ALDH1A1: variants seen among roughly 807,000 people sequenced by gnomAD.
ALDH1A1 encodes aldehyde dehydrogenase 1A1.
Under a neutral mutation model 62.1 loss-of-function variants are expected in ALDH1A1, and 19 were observed. The observed-to-expected ratio is 0.31, with a 90% CI of 0.21 to 0.45. The LOEUF is 0.45. ALDH1A1 is among the 20% of genes least tolerant of loss of function. ALDH1A1 has a pLI of 1.00. For missense variants in ALDH1A1, 521 were observed against 607.1 expected (o/e 0.86, Z 1.49); for synonymous variants, 231 against 215.9 (o/e 1.07, Z -0.61).
chr9:72,927,795 C>T (rs570321340), intron 4 of ALDH1A1, among the ~76,000 whole-genome samples: 2 of 152,062 alleles, frequency 1.3e-5, no homozygotes, highest in Admixed American at 1.3e-4. Context: ...ATTTGCCTAC[C>T]AAACAATAAT....
At chr9:72,921,234 T>G (rs1242410667) in intron 7 of ALDH1A1, among the ~76,000 whole-genome samples, 2 of 128,956 alleles carry the variant, frequency 1.6e-5, no homozygotes, top group Non-Finnish European at 3.1e-5. Flanking sequence ...AGTGCACGAC[T>G]CCTCTCAAAA....
chr9:72,940,012 G>A (rs1830397222), intron 2 of ALDH1A1, 136 bp downstream of exon 2: 3 of 520,606 alleles, frequency 5.8e-6, no homozygotes, highest in South Asian at 2.9e-5. Flanking sequence ...GGACAACTTA[G>A]ACAATTTTCC....
At chr9:72,923,514 A>T (rs1830167145) in intron 7 of ALDH1A1, among the ~76,000 whole-genome samples, 1 of 151,846 alleles carries the variant, frequency 6.6e-6, no homozygotes, top group Admixed American at 6.6e-5. Flanking sequence ...TTTTTCTTTA[A>T]CCTTTAGGAT....
At chr9:72,928,826 T>C in intron 4 of ALDH1A1, 66 bp downstream of exon 4, 1 of 1,422,704 alleles carries the variant, frequency 7.0e-7, no homozygotes, top group South Asian at 1.8e-5. Flanking sequence ...AGTTTGAAAT[T>C]ATTCAGCTCT....
At chr9:72,940,379 C>G in intron 1 of ALDH1A1, 127 bp from the exon 2 acceptor site, 1 of 679,030 alleles carries the variant, frequency 1.5e-6, no homozygotes, top group Non-Finnish European at 2.6e-6. Context: ...CCTCTCAAAA[C>G]TTTCTGGCTG....
chr9:72,913,549 C>G (rs1405190434), intron 9 of ALDH1A1, among the ~76,000 whole-genome samples: 2 of 152,156 alleles, frequency 1.3e-5, no homozygotes, highest in Non-Finnish European at 2.9e-5. Flanking sequence ...ACTATGCCCT[C>G]AACATCATGA....
intron 2 of ALDH1A1, among the ~76,000 whole-genome samples, chr9:72,938,199 G>A (rs938855523): frequency 1.3e-5 from 2 of 152,018 alleles, no homozygotes; most frequent in Non-Finnish European, 2.9e-5. Context: ...TATTATCCTT[G>A]GGTGTTGCTG....
rs879761628 is a variant in ALDH1A1 at position 72,938,749 on chromosome 9, A to AT, written c.171+1398dup. 9.3e-3 allele frequency among the ~76,000 whole-genome samples: 1,285 copies of AT among 138,834 alleles called. 11 individuals carry two copies. The highest frequency in any genetic ancestry group is 0.029 in the African/African-American group (1,082 of 37,670). The allele number at this position is 138,834 out of a possible 152,430, so 91.1% of individuals were successfully genotyped here. On this transcript the variant is annotated intron_variant, in intron 2 of 12. Coordinates refer to ENST00000297785, the MANE Select transcript of ALDH1A1 (RefSeq NM_000689.5). ...CTTTCATAATAAGAAAGACTATTTA[A>AT]TTTTTTTTTTTTAATGGAGCTTCAC... is the stretch of plus-strand genomic sequence containing the variant.
intron 1 of ALDH1A1, among the ~76,000 whole-genome samples, chr9:72,946,262 T>C (rs202200751): frequency 6.6e-6 from 1 of 152,018 alleles, no homozygotes; most frequent in African/African-American, 2.4e-5. Flanking sequence ...AATTCAGTAG[T>C]TATTTGTATT....
Position 72,902,951 on chromosome 9 carries a change from C to A in ALDH1A1, c.1434-1671G>T, listed in dbSNP as rs116808117. Among the ~76,000 whole-genome samples, 757 of 151,582 alleles carry A rather than the reference C, an allele frequency of 5.0e-3. 5 individuals are homozygous for A. The highest frequency in any genetic ancestry group is 0.018 in the African/African-American group (729 of 41,344). Reference sequence around the variant, plus strand: ...AGTGATATCAACCTATGCTTCTTGTCCAGGGTCCACACTGTAAAAAAAAAA... The same window carrying A: ...AGTGATATCAACCTATGCTTCTTGTACAGGGTCCACACTGTAAAAAAAAAA... On this transcript the variant is annotated intron_variant, in intron 12 of 12. Coordinates refer to ENST00000297785, the MANE Select transcript of ALDH1A1 (RefSeq NM_000689.5).
rs1215648505 is a variant in ALDH1A1, at chr9:72,924,066, A to G, written c.700T>C (p.Ser234Pro). The change falls in exon 7 of 13, where the codon TCT (serine) becomes CCT (proline). Residue 234 changes from serine (S) to proline (P), a missense_variant. Coordinates refer to ENST00000297785, the MANE Select transcript of ALDH1A1 (RefSeq NM_000689.5). ...GYGPTAGAAI[S>P]SHMDIDKVAF... Reference sequence around the variant, plus strand: ...ACTTTGTCTATATCCATGTGAGAAGAAATGGCTGCCCCTGCTGTAGGCCCA... The same window carrying G: ...ACTTTGTCTATATCCATGTGAGAAGGAATGGCTGCCCCTGCTGTAGGCCCA... 1 of 1,613,366 alleles carries G rather than the reference A, an allele frequency of 6.2e-7. No individual in the cohort carries two copies. The highest frequency in any genetic ancestry group is 8.5e-7 in the Non-Finnish European group (1 of 1,179,568).
chr9:72,938,995 G>T (rs546822553), intron 2 of ALDH1A1, among the ~76,000 whole-genome samples: 1 of 151,324 alleles, frequency 6.6e-6, no homozygotes, highest in Non-Finnish European at 1.5e-5. Context: ...TGCCCGCCTC[G>T]GCCTCCCAAA....
chr9:72,945,906 A>G (rs73647854), intron 1 of ALDH1A1, among the ~76,000 whole-genome samples: 2,535 of 152,142 alleles, frequency 0.017, 73 homozygotes, highest in African/African-American at 0.055. Context: ...AAAAAATAGG[A>G]GAAATAAAAT....
intron 12 of ALDH1A1, among the ~76,000 whole-genome samples, chr9:72,902,888 C>T (rs1829824292): frequency 6.6e-6 from 1 of 151,708 alleles, no homozygotes; most frequent in African/African-American, 2.4e-5. Flanking sequence ...TAGCAGGTCT[C>T]GAGTGAAGCC....
chr9:72,910,552 G>T (rs754964349), intron 10 of ALDH1A1, among the ~76,000 whole-genome samples: 19 of 152,128 alleles, frequency 1.2e-4, no homozygotes, highest in Non-Finnish European at 2.2e-4. Context: ...CCTGGTTACT[G>T]CAGCCCAAAC....
chr9:72,928,553 CA>C (rs1041460822), intron 4 of ALDH1A1, among the ~76,000 whole-genome samples: 1 of 152,144 alleles, frequency 6.6e-6, no homozygotes, highest in Non-Finnish European at 1.5e-5. Flanking sequence ...GAATAAAACC[CA>C]AATAAATAAT....
At chr9:72,929,881 A>G (rs8187919) in intron 3 of ALDH1A1, among the ~76,000 whole-genome samples, 6,833 of 152,298 alleles carry the variant, frequency 0.045, 254 homozygotes, top group African/African-American at 0.085. Context: ...CAGATAATTG[A>G]GAAAAGCCAA....
rs189636705 is a variant in ALDH1A1, at chr9:72,938,060, T to C, written c.171+2088A>G. On this transcript the variant is annotated intron_variant, in intron 2 of 12. Coordinates refer to ENST00000297785, the MANE Select transcript of ALDH1A1 (RefSeq NM_000689.5). Reference sequence around the variant, plus strand: ...GTCTGTCACTATCTTGGAATAAGTATCTGCATGGCCCAGTACGTTGAGATT... The same window carrying C: ...GTCTGTCACTATCTTGGAATAAGTACCTGCATGGCCCAGTACGTTGAGATT... Among the ~76,000 whole-genome samples, 9 of 152,212 alleles carry C rather than the reference T, an allele frequency of 5.9e-5. No individual in the cohort carries two copies. The East Asian group carries it at 1.7e-3, about 29-fold the overall frequency.
chr9:72,909,817 G>A (rs962399599), intron 10 of ALDH1A1, 58 bp from the exon 11 acceptor site: 14 of 1,409,632 alleles, frequency 9.9e-6, no homozygotes, highest in Non-Finnish European at 1.3e-5. Context: ...TATTTTAAAT[G>A]ATATCGTAGA....
Sources: gnomAD v4.1 joint callset for allele counts (sites outside exome capture counted in the v4.1 genomes callset) on GRCh38, gnomAD v4.1.1 for gene constraint, MANE v1.5 for transcripts, NCBI Gene and HGNC (gene_info 2026-07-23, HGNC 2026-07-21) for gene names.